Variants in CSTPP1 observed in about 807,000 individuals in gnomAD.
CSTPP1 encodes centriolar satellite-associated tubulin polyglutamylase complex regulator 1.
At chr11:47,037,399 T>A in the CSTPP1 span, among the ~76,000 whole-genome samples, 197 of 123,268 alleles carry the variant, frequency 1.6e-3, 11 homozygotes, top group African/African-American at 4.7e-3. Context: ...ATTATTTTTT[T>A]TTTTTAATTG....
chr11:47,151,360 C>T, the CSTPP1 span, among the ~76,000 whole-genome samples: 1 of 151,556 alleles, frequency 6.6e-6, no homozygotes, highest in Admixed American at 6.6e-5. Context: ...TTGCAGTGAG[C>T]CACTGCACTT....
At chr11:47,161,450 C>G in the CSTPP1 span, 1 of 1,613,360 alleles carries the variant, frequency 6.2e-7, no homozygotes, top group Non-Finnish European at 8.5e-7. Context: ...CTCCAGGCTT[C>G]TTCCCTTCTT....
At chr11:46,944,753 G>C in the CSTPP1 span, among the ~76,000 whole-genome samples, 2 of 152,086 alleles carry the variant, frequency 1.3e-5, no homozygotes, top group Non-Finnish European at 2.9e-5. Flanking sequence ...AATAAATTAG[G>C]GTCACACCTG....
chr11:47,116,113 T>G, the CSTPP1 span, among the ~76,000 whole-genome samples: 24 of 152,332 alleles, frequency 1.6e-4, no homozygotes, highest in East Asian at 2.9e-3. Context: ...AGTTTCCATG[T>G]AGTTGTGCAG....
the CSTPP1 span, among the ~76,000 whole-genome samples, chr11:47,147,377 G>A: frequency 6.6e-6 from 1 of 152,290 alleles, no homozygotes; most frequent in South Asian, 2.1e-4. Context: ...CAGTAGGTCT[G>A]GAATTTGAGG....
the CSTPP1 span, among the ~76,000 whole-genome samples, chr11:47,117,863 G>T: frequency 6.8e-6 from 1 of 146,004 alleles, no homozygotes; most frequent in Admixed American, 7.1e-5. Context: ...TTGTCTTCTC[G>T]CTGTATTTCT....
chr11:46,982,368 T>G, the CSTPP1 span, among the ~76,000 whole-genome samples: 1 of 152,108 alleles, frequency 6.6e-6, no homozygotes, highest in African/African-American at 2.4e-5. Context: ...GTGCATCTGT[T>G]AATATCATAT....
chr11:46,958,159 T>A, the CSTPP1 span, among the ~76,000 whole-genome samples: 4 of 152,178 alleles, frequency 2.6e-5, no homozygotes, highest in Non-Finnish European at 5.9e-5. Context: ...TTCTTTTTTT[T>A]AAATTTTAAA....
At chr11:47,047,671 T>C in the CSTPP1 span, among the ~76,000 whole-genome samples, 2 of 152,176 alleles carry the variant, frequency 1.3e-5, no homozygotes, top group African/African-American at 2.4e-5. Flanking sequence ...TTGGACTTCA[T>C]CAAAATTAAG....
the CSTPP1 span, among the ~76,000 whole-genome samples, chr11:46,976,141 G>C: frequency 6.6e-6 from 1 of 152,144 alleles, no homozygotes; most frequent in Admixed American, 6.5e-5. Flanking sequence ...TGAACCCTCA[G>C]AGGAACTATA....
chr11:46,962,689 ATAGT>A, the CSTPP1 span, among the ~76,000 whole-genome samples: 2 of 152,134 alleles, frequency 1.3e-5, no homozygotes, highest in African/African-American at 2.4e-5. Flanking sequence ...TTATATTATC[ATAGT>A]TAGCACTGTT....
the CSTPP1 span, chr11:47,161,058 G>C: frequency 5.6e-6 from 9 of 1,593,658 alleles, no homozygotes; most frequent in South Asian, 1.0e-4. Flanking sequence ...AAGGTGAGGG[G>C]CATGGAGGAA....
the CSTPP1 span, among the ~76,000 whole-genome samples, chr11:47,115,324 T>C: frequency 3.9e-5 from 6 of 152,240 alleles, no homozygotes; most frequent in African/African-American, 1.4e-4. Flanking sequence ...GGCTTTGGTA[T>C]CAGGATGATG....
chr11:47,033,584 A>G, the CSTPP1 span, among the ~76,000 whole-genome samples: 2 of 152,056 alleles, frequency 1.3e-5, no homozygotes, highest in Admixed American at 6.6e-5. Flanking sequence ...CATATCCACA[A>G]TCTCTTTCAT....
At chr11:47,008,780 C>T in the CSTPP1 span, among the ~76,000 whole-genome samples, 1 of 152,058 alleles carries the variant, frequency 6.6e-6, no homozygotes, top group Non-Finnish European at 1.5e-5. Context: ...CTCATGCCTC[C>T]CAGCACTTTG....
At chr11:47,090,963 T>G in the CSTPP1 span, among the ~76,000 whole-genome samples, 1 of 140,216 alleles carries the variant, frequency 7.1e-6, no homozygotes, top group Non-Finnish European at 1.5e-5. Context: ...GGCATGAACC[T>G]GGGAGGCAGA....
the CSTPP1 span, chr11:46,936,769 C>T: frequency 3.1e-6 from 5 of 1,608,208 alleles, no homozygotes; most frequent in Non-Finnish European, 4.2e-6. Context: ...TTCCGGAAGC[C>T]GGAGAGCTGG....
chr11:47,083,462 T>G, the CSTPP1 span, among the ~76,000 whole-genome samples: 1 of 152,222 alleles, frequency 6.6e-6, no homozygotes, highest in Non-Finnish European at 1.5e-5. Flanking sequence ...CTTGGATATA[T>G]ACCTAGGAGT....
At chr11:46,955,904 G>A in the CSTPP1 span, among the ~76,000 whole-genome samples, 2 of 150,994 alleles carry the variant, frequency 1.3e-5, no homozygotes, top group Non-Finnish European at 2.9e-5. Context: ...CAGGAGAATC[G>A]CCCGAACCCA....
Sources: gnomAD v4.1 joint callset for allele counts (sites outside exome capture counted in the v4.1 genomes callset) on GRCh38, gnomAD v4.1.1 for gene constraint, MANE v1.5 for transcripts, NCBI Gene and HGNC (gene_info 2026-07-23, HGNC 2026-07-21) for gene names.